Variants in VPS13C observed in about 807,000 individuals in gnomAD.
The protein encoded by VPS13C is intermembrane lipid transfer protein VPS13C.
A neutral mutation model predicts 456.8 loss-of-function variants in VPS13C; 358 were observed. That is an observed-to-expected ratio of 0.78 (90% CI 0.72 to 0.86). VPS13C has a LOEUF of 0.86. VPS13C is among the 40% of genes least tolerant of loss of function. The probability of loss-of-function intolerance (pLI) is 0.00; values close to 1 mark genes in which losing one functional copy is unlikely to be tolerated. For missense variants in VPS13C, 4,818 were observed against 4,385.4 expected (o/e 1.10, Z -2.79); for synonymous variants, 1,578 against 1,486.7 (o/e 1.06, Z -1.41).
chr15:62,035,715 C>A (rs1364563130), intron 3 of VPS13C, among the ~76,000 whole-genome samples: 1 of 151,956 alleles, frequency 6.6e-6, no homozygotes, highest in Admixed American at 6.6e-5. Flanking sequence ...CAACTCAGAC[C>A]AGTTATATTC....
intron 23 of VPS13C, 45 bp from the exon 24 acceptor site, chr15:61,977,244 G>T: frequency 8.6e-7 from 1 of 1,161,726 alleles, no homozygotes; most frequent in South Asian, 1.7e-5. Flanking sequence ...TTTACAAACA[G>T]CCATGGAACA....
At chr15:61,997,380 C>G (rs2046424143) in intron 16 of VPS13C, among the ~76,000 whole-genome samples, 1 of 152,074 alleles carries the variant, frequency 6.6e-6, no homozygotes, top group South Asian at 2.1e-4. Flanking sequence ...ATTCTAATTC[C>G]TGAGGTGATC....
intron 66 of VPS13C, among the ~76,000 whole-genome samples, chr15:61,895,348 A>C (rs190486726): frequency 1.3e-5 from 2 of 152,238 alleles, no homozygotes; most frequent in Non-Finnish European, 2.9e-5. Context: ...TAGAAGGAAA[A>C]AATAATAAAG....
intron 1 of VPS13C, among the ~76,000 whole-genome samples, chr15:62,054,617 T>C (rs891305640): frequency 6.6e-6 from 1 of 151,876 alleles, no homozygotes; most frequent in Non-Finnish European, 1.5e-5. Flanking sequence ...AAATACATAA[T>C]GCAGGGCTTA....
At chr15:61,877,301 G>T (rs1044455671) in intron 74 of VPS13C, among the ~76,000 whole-genome samples, 1 of 151,672 alleles carries the variant, frequency 6.6e-6, no homozygotes, top group African/African-American at 2.4e-5. Flanking sequence ...TCACATAGTG[G>T]ATTTTAAAGG....
chr15:61,893,839 G>A lies in VPS13C; in HGVS notation c.9106-3439C>T, dbSNP rs1025936633. 4.6e-5 allele frequency among the ~76,000 whole-genome samples: 7 copies of A among 151,820 alleles called. No homozygotes were observed. In the East Asian group the frequency reaches 1.4e-3, roughly 29 times the overall value. ...TAAGTTGTCATTTGTTTAAAATAAT[G>A]TATTGTGTCTATAAGATGTTTTTTG... On this transcript the variant is annotated intron_variant, in intron 66 of 84. Transcript: ENST00000644861.
Position 61,946,018 on chromosome 15 carries a change from T to C in VPS13C, c.4981-136A>G. The stretch of plus-strand genomic sequence containing the variant: ...GAATTCAACATTAAAAATTATTAGC[T>C]AAAAACATTTTACGTGACAATAACT... On this transcript the variant is annotated intron_variant, in intron 44 of 84. Transcript: ENST00000644861. The C allele has an allele frequency of 2.3e-6, 2 of 853,354 alleles. 1 individual carries two copies. Among genetic ancestry groups the C allele is most frequent in the Non-Finnish European group, 3.4e-6 (2 of 595,568 alleles). The allele number at this position is 853,354 out of a possible 1,614,324, so 52.9% of individuals were successfully genotyped here.
intron 66 of VPS13C, among the ~76,000 whole-genome samples, chr15:61,890,771 G>C (rs527665839): frequency 2.6e-5 from 4 of 152,198 alleles, no homozygotes; most frequent in African/African-American, 9.7e-5. Flanking sequence ...CCTTAGCCCA[G>C]AGTGGTGGCT....
At chr15:61,912,604 G>A (rs1232097451) in intron 62 of VPS13C, among the ~76,000 whole-genome samples, 1 of 150,364 alleles carries the variant, frequency 6.7e-6, no homozygotes, top group Non-Finnish European at 1.5e-5. Context: ...ATTATCACTT[G>A]AAATTCAAAT....
Position 61,910,225 on chromosome 15 carries a change from G to A in VPS13C, c.8796C>T (p.Phe2932=). ...VVGCEGSSKP[F]FYNRQDNGTL... is the part of the protein sequence containing the mutation. The stretch of plus-strand genomic sequence containing the variant: ...TGCCATTATCCTGTCGGTTATAAAA[G>A]AATGGTTTGGAAGATCCTTCACAGC... The change falls in exon 64 of 85, where the codon TTC becomes TTT. Residue 2932 remains phenylalanine, a synonymous_variant. Transcript: ENST00000644861. 6.6e-7 allele frequency: 1 copy of A among 1,504,958 alleles called. No individual in the cohort carries two copies. Among genetic ancestry groups the A allele is most frequent in the Non-Finnish European group, 8.9e-7 (1 of 1,119,300 alleles). 93.2% of individuals were successfully genotyped at this position (1,504,958 alleles called of 1,614,324 possible). A position where few individuals can be genotyped will look rare whatever the true frequency, so the allele number is the denominator to read the frequency against.
At chr15:62,013,234 T>G in intron 10 of VPS13C, 115 bp from the exon 11 acceptor site, 1 of 588,532 alleles carries the variant, frequency 1.7e-6, no homozygotes, top group African/African-American at 1.9e-5. Flanking sequence ...CATTTTGAAT[T>G]TTTAAAGGAA....
chr15:62,042,037 TC>T (rs906668375), intron 2 of VPS13C, among the ~76,000 whole-genome samples: 6 of 151,544 alleles, frequency 4.0e-5, no homozygotes, highest in African/African-American at 1.5e-4. Context: ...AAAAGAAGAG[TC>T]TTTTTGCATA....
chr15:62,057,146 T>C (rs2140816234), intron 1 of VPS13C, among the ~76,000 whole-genome samples: 2 of 152,284 alleles, frequency 1.3e-5, no homozygotes, highest in Admixed American at 1.3e-4. Flanking sequence ...GGCTGGTCCC[T>C]ACAGTGAAAT....
In VPS13C at chr15:62,023,451, T is replaced by C. The variant is rs2047531957; in HGVS notation, c.584A>G (p.Gln195Arg). Residue 195 changes from glutamine (Q) to arginine (R), a missense_variant, in exon 8 of 85, where the codon CAA (glutamine) becomes CGA (arginine). Physicochemically the swap from Gln to Arg is conservative, Grantham distance 43 (BLOSUM62 1). Coordinates refer to ENST00000644861, the MANE Select transcript of VPS13C (RefSeq NM_020821.3). Reference sequence around the variant, plus strand: ...AATGTGAATATCTGTGATTTTTACTTGTACATTTTTTATTACTTGAGTTGC... The same window carrying C: ...AATGTGAATATCTGTGATTTTTACTCGTACATTTTTTATTACTTGAGTTGC... Reference protein sequence around the residue: ...KLATQVIKNVQVKITDIHIKY... With the variant: ...KLATQVIKNVRVKITDIHIKY... The C allele has an allele frequency of 5.7e-6, 9 of 1,576,270 alleles. No individual in the cohort carries two copies. The highest frequency in any genetic ancestry group is 1.4e-5 in the African/African-American group (1 of 73,228).
chr15:61,913,752 G>C (rs2043374846), intron 61 of VPS13C, among the ~76,000 whole-genome samples: 1 of 152,088 alleles, frequency 6.6e-6, no homozygotes, highest in South Asian at 2.1e-4. Context: ...TTATGACATA[G>C]AGCTAACAAA....
At chr15:62,007,795 G>T (rs868600260) in intron 14 of VPS13C, among the ~76,000 whole-genome samples, 3 of 152,142 alleles carry the variant, frequency 2.0e-5, no homozygotes, top group African/African-American at 7.2e-5. Flanking sequence ...TAAAAATGTT[G>T]AATGTCTTGA....
At position 61,893,082 on chromosome 15, in the gene VPS13C, G is replaced by A. The variant is rs2042700007; in HGVS notation, c.9106-2682C>T. Among the ~76,000 whole-genome samples the A allele has an allele frequency of 2.0e-5, 3 of 152,162 alleles. No homozygotes were observed. In the South Asian group the frequency reaches 6.2e-4, roughly 31 times the overall value. On this transcript the variant is annotated intron_variant, in intron 66 of 84. Coordinates refer to ENST00000644861, the MANE Select transcript of VPS13C (RefSeq NM_020821.3). ...AGAAAGTTAATTAAAGAATTAACAA[G>A]AAAATACTTTCCCTATTGGAGAAAG...
chr15:61,925,404 T>C, intron 53 of VPS13C, 52 bp downstream of exon 53: 2 of 1,088,548 alleles, frequency 1.8e-6, no homozygotes, highest in Non-Finnish European at 2.5e-6. Context: ...AAATATGCAA[T>C]GTCGTGAAGA....
chr15:61,880,458 T>G, intron 73 of VPS13C, 151 bp downstream of exon 73: 2 of 505,110 alleles, frequency 4.0e-6, no homozygotes. Flanking sequence ...GCACATATGC[T>G]ACAGAGAACT....
Sources: allele counts gnomAD v4.1 joint callset (sites outside exome capture counted in the v4.1 genomes callset), GRCh38; gene constraint gnomAD v4.1.1; transcripts MANE v1.5; gene names NCBI Gene and HGNC (gene_info 2026-07-23, HGNC 2026-07-21).